The following PAX3 variants were observed in gnomAD, a reference collection of about 807,000 sequenced individuals.
PAX3 encodes the protein paired box 3, also known as paired box protein Pax-3.
Under a neutral mutation model 51.6 loss-of-function variants are expected in PAX3, and 14 were observed. The observed-to-expected ratio is 0.27, with a 90% CI of 0.18 to 0.42. The LOEUF (loss-of-function observed/expected upper bound fraction) is 0.42, where lower values mean the gene tolerates loss of function less well. Among genes scored for constraint, PAX3 ranks in the 10% least tolerant of loss-of-function variants. The probability of loss-of-function intolerance (pLI) is 1.00; values close to 1 mark genes in which losing one functional copy is unlikely to be tolerated. For synonymous variants in PAX3, 280 were observed against 253.4 expected, an observed-to-expected ratio of 1.11 and a Z score of -1.00; for missense variants, 540 against 642.8, an observed-to-expected ratio of 0.84 and a Z score of 1.73.
chr2:222,287,277 T>C (rs906324020), intron 4 of PAX3: 1 of 152,206 alleles, frequency 6.6e-6, no homozygotes, highest in Non-Finnish European at 1.5e-5. Flanking sequence ...AGAAAATAGG[T>C]ATTGAAGGTA....
chr2:222,205,968 T>C (rs1192838818), intron 7 of PAX3, among the ~76,000 whole-genome samples: 2 of 152,184 alleles, frequency 1.3e-5, no homozygotes, highest in African/African-American at 4.8e-5. Flanking sequence ...ACATTTTCTT[T>C]TTAAGAATAA....
At chr2:222,293,740 C>T (rs747070982) in intron 4 of PAX3, 4 of 1,614,172 alleles carry the variant, frequency 2.5e-6, no homozygotes, top group South Asian at 1.1e-5. Context: ...GAGGAAACTC[C>T]GGAGACCAGG....
intron 4 of PAX3, among the ~76,000 whole-genome samples, chr2:222,282,620 T>C (rs1216153093): frequency 6.6e-6 from 1 of 152,224 alleles, no homozygotes; most frequent in Non-Finnish European, 1.5e-5. Context: ...TAAATAATTA[T>C]AATAAGTTGC....
At chr2:222,286,995 A>G (rs1694855552) in intron 4 of PAX3, among the ~76,000 whole-genome samples, 1 of 152,248 alleles carries the variant, frequency 6.6e-6, no homozygotes, top group African/African-American at 2.4e-5. Context: ...AAACTTGGAA[A>G]TATACATATT....
At chr2:222,295,502 C>G in intron 3 of PAX3, 26 bp downstream of exon 3, 1 of 1,614,038 alleles carries the variant, frequency 6.2e-7, no homozygotes, top group African/African-American at 1.3e-5. Flanking sequence ...TGTCGCGCCT[C>G]GGGGAGAGGT....
intron 4 of PAX3, among the ~76,000 whole-genome samples, chr2:222,258,574 T>C (rs894118121): frequency 2.0e-5 from 3 of 152,158 alleles, no homozygotes; most frequent in Non-Finnish European, 2.9e-5. Context: ...TGTTGTTTGA[T>C]AATCACACTT....
chr2:222,225,247 T>C (rs899395647), intron 5 of PAX3, among the ~76,000 whole-genome samples: 2 of 152,208 alleles, frequency 1.3e-5, no homozygotes, highest in Non-Finnish European at 2.9e-5. Flanking sequence ...CTGCCGCCTG[T>C]ACTTCCCAAC....
At chr2:222,204,089 T>C (rs547625251) in intron 7 of PAX3, among the ~76,000 whole-genome samples, 1 of 152,290 alleles carries the variant, frequency 6.6e-6, no homozygotes, top group African/African-American at 2.4e-5. Flanking sequence ...TTTTAAAAAT[T>C]AGTTATATTT....
intron 4 of PAX3, among the ~76,000 whole-genome samples, chr2:222,279,145 G>A (rs921026907): frequency 2.0e-5 from 3 of 152,002 alleles, no homozygotes; most frequent in Admixed American, 6.6e-5. Context: ...GAGACGGGGC[G>A]GTTTCACCGT....
At chr2:222,292,387 G>C (rs1283860921) in intron 4 of PAX3, among the ~76,000 whole-genome samples, 1 of 152,224 alleles carries the variant, frequency 6.6e-6, no homozygotes, top group African/African-American at 2.4e-5. Flanking sequence ...GACTCTCCAG[G>C]CTTTGTCTCC....
At chr2:222,241,896 C>T (rs1693029380) in intron 4 of PAX3, among the ~76,000 whole-genome samples, 1 of 152,136 alleles carries the variant, frequency 6.6e-6, no homozygotes, top group Non-Finnish European at 1.5e-5. Context: ...AGATCATGTT[C>T]CCTGTAGTAA....
At position 222,202,131 on chromosome 2, in the gene PAX3, C is replaced by T. The variant is rs749890792; in HGVS notation, c.1233G>A (p.Ala411=). The T allele has an allele frequency of 8.7e-6, 14 of 1,612,508 alleles. No homozygotes were observed. The highest frequency in any genetic ancestry group is 3.3e-5 in the Admixed American group (2 of 59,836). ...GVPHQPQTDY[A]LSPLTGGLEP... The stretch of plus-strand genomic sequence containing the variant: ...CCAGACCCCCGGTGAGAGGGGAGAG[C>T]GCGTAATCAGTCTGGGGCTGATGAG... The change falls in exon 8 of 9, where the codon GCG becomes GCA. Residue 411 remains alanine, a synonymous_variant. Coordinates refer to ENST00000392070, the MANE Select transcript of PAX3 (RefSeq NM_181458.4).
intron 7 of PAX3, among the ~76,000 whole-genome samples, chr2:222,205,133 G>A (rs114443239): frequency 0.01 from 1,563 of 152,232 alleles, 23 homozygotes; most frequent in African/African-American, 0.036. Flanking sequence ...GGCAGTCGCT[G>A]CGTTAGAAAA....
chr2:222,201,030 T>G lies in PAX3; in HGVS notation c.*378A>C. The G allele has an allele frequency of 1.2e-6, 1 of 855,104 alleles. No individual in the cohort carries two copies. The allele number at this position is 855,104 out of a possible 1,614,324, so 53.0% of individuals were successfully genotyped here. On this transcript the variant is annotated 3_prime_UTR_variant, in exon 9 of 9. Transcript: ENST00000392070. Reference sequence around the variant, plus strand: ...TTGCCCAAACCAGTCTGGGTAAATCTCAATACACACACACACACACACACG... The same window carrying G: ...TTGCCCAAACCAGTCTGGGTAAATCGCAATACACACACACACACACACACG...
chr2:222,247,057 C>T (rs2106119452), intron 4 of PAX3, among the ~76,000 whole-genome samples: 1 of 152,314 alleles, frequency 6.6e-6, no homozygotes, highest in South Asian at 2.1e-4. Context: ...ATACATCTCT[C>T]CTTCTATTCT....
At chr2:222,230,443 A>C (rs1692547034) in intron 5 of PAX3, among the ~76,000 whole-genome samples, 1 of 152,122 alleles carries the variant, frequency 6.6e-6, no homozygotes, top group South Asian at 2.1e-4. Flanking sequence ...GGATAGCATT[A>C]GGAGAAATAC....
intron 5 of PAX3, 122 bp downstream of exon 5, chr2:222,231,956 C>T: frequency 1.2e-6 from 1 of 835,738 alleles, no homozygotes; most frequent in Non-Finnish European, 2.1e-6. Flanking sequence ...CAATATGCAT[C>T]CCTAGTAAAG....
chr2:222,280,213 AAGAAAGAAAGAAAGAGAGAGAGGG>A (rs1191394057), intron 4 of PAX3, among the ~76,000 whole-genome samples: 2 of 150,792 alleles, frequency 1.3e-5, no homozygotes, highest in South Asian at 2.1e-4. Flanking sequence ...CTCTGTCAGG[AAGAAAGAAAGAAAGAGAGAGAGGG>A]AGAAAGAAAG....
intron 4 of PAX3, among the ~76,000 whole-genome samples, chr2:222,232,815 G>T (rs944634050): frequency 2.0e-5 from 3 of 152,098 alleles, no homozygotes. Flanking sequence ...TACCTAAGAA[G>T]CGAGTAACAG....
Sources: gnomAD v4.1 joint callset for allele counts (sites outside exome capture counted in the v4.1 genomes callset) on GRCh38, gnomAD v4.1.1 for gene constraint, MANE v1.5 for transcripts, NCBI Gene and HGNC (gene_info 2026-07-23, HGNC 2026-07-21) for gene names.